The following USP37 variants were observed in gnomAD, a reference collection of about 807,000 sequenced individuals.
USP37 encodes ubiquitin carboxyl-terminal hydrolase 37.
A neutral mutation model predicts 124.0 loss-of-function variants in USP37; 27 were observed. The observed-to-expected ratio is 0.22, with a 90% confidence interval of 0.16 to 0.30. The LOEUF (loss-of-function observed/expected upper bound fraction) is 0.30. Ranked by LOEUF, USP37 falls within the 10% of genes least tolerant of loss-of-function variation. USP37 has a pLI of 1.00. For missense variants in USP37, 889 were observed against 1,140.4 expected (o/e 0.78, Z 3.17); for synonymous variants, 365 against 388.0 (o/e 0.94, Z 0.70).
In USP37 at chr2:218,474,871, G is replaced by A; in HGVS notation, c.2058C>T (p.Cys686=). 1.2e-6 allele frequency: 2 copies of A among 1,611,174 alleles called. No individual in the cohort carries two copies. The highest frequency in any genetic ancestry group is 1.7e-6 in the Non-Finnish European group (2 of 1,179,048). Residue 686 remains cysteine (C), a synonymous_variant, in exon 20 of 26, where the codon TGC becomes TGT. Transcript: ENST00000258399. ...ATTCAGACTTGTCAGGCTCTATTGGGCATAATTTTGAATCCTGAAGAAGAG... is the reference window on the plus strand; with the variant it reads ...ATTCAGACTTGTCAGGCTCTATTGGACATAATTTTGAATCCTGAAGAAGAG... The part of the protein sequence containing the change: ...QEDLEKDSKL[C]PIEPDKSELE...
At chr2:218,490,790 T>C (rs774298960) in intron 14 of USP37, among the ~76,000 whole-genome samples, 10 of 152,212 alleles carry the variant, frequency 6.6e-5, no homozygotes, top group Non-Finnish European at 1.5e-4. Context: ...AAAGGAATTT[T>C]GCAGACATAA....
At chr2:218,492,971 C>T (rs1160442952) in intron 14 of USP37, among the ~76,000 whole-genome samples, 2 of 152,024 alleles carry the variant, frequency 1.3e-5, no homozygotes, top group East Asian at 1.9e-4. Context: ...TGCACCACTG[C>T]ACTCCAGCCT....
chr2:218,478,990 T>G (rs146721689), intron 18 of USP37, among the ~76,000 whole-genome samples: 1 of 152,294 alleles, frequency 6.6e-6, no homozygotes, highest in African/African-American at 2.4e-5. Flanking sequence ...CTTTGGGCCA[T>G]CAAATTTTTA....
At chr2:218,456,913 T>C (rs1222973181) in intron 24 of USP37, among the ~76,000 whole-genome samples, 179 bp downstream of exon 24, 1 of 151,502 alleles carries the variant, frequency 6.6e-6, no homozygotes, top group Non-Finnish European at 1.5e-5. Flanking sequence ...GAGGCTGCAG[T>C]GAGCCGAGAT....
intron 5 of USP37, among the ~76,000 whole-genome samples, chr2:218,551,567 T>C (rs956199765): frequency 8.5e-5 from 13 of 152,372 alleles, no homozygotes; most frequent in African/African-American, 2.9e-4. Flanking sequence ...TACATCTATT[T>C]ATGGCCAAAG....
chr2:218,508,014 C>A (rs1010036759), intron 11 of USP37, among the ~76,000 whole-genome samples: 1 of 152,198 alleles, frequency 6.6e-6, no homozygotes, highest in African/African-American at 2.4e-5. Flanking sequence ...CCCTTAGGCT[C>A]CCTTCCCTAA....
At chr2:218,522,687 A>G (rs1189460442) in intron 10 of USP37, among the ~76,000 whole-genome samples, 1 of 151,846 alleles carries the variant, frequency 6.6e-6, no homozygotes, top group African/African-American at 2.4e-5. Flanking sequence ...GATAAATGAT[A>G]TCCTTGAGCT....
chr2:218,510,281 G>A (rs1689902325), intron 10 of USP37, 141 bp from the exon 11 acceptor site: 2 of 880,470 alleles, frequency 2.3e-6, no homozygotes, highest in Non-Finnish European at 3.3e-6. Context: ...TCACTTAAGG[G>A]AAAACTCTAC....
intron 20 of USP37, among the ~76,000 whole-genome samples, chr2:218,471,832 C>G (rs1446398950): frequency 1.3e-5 from 2 of 151,860 alleles, no homozygotes; most frequent in African/African-American, 4.8e-5. Flanking sequence ...TCGAGACCAG[C>G]CTGGCCAACA....
intron 10 of USP37, chr2:218,528,285 T>A (rs574759): frequency 0.99 from 150,838 of 151,914 alleles, 74,892 homozygotes; most frequent in East Asian, 1. Flanking sequence ...TTTTTTTTTT[T>A]AATTATATTT....
rs369107222 is a variant in USP37, at chr2:218,509,931, A to G, written c.1025+48T>C. 5 of 1,476,714 alleles carry G rather than the reference A, an allele frequency of 3.4e-6. No homozygotes were observed. In the African/African-American group the frequency reaches 5.6e-5, roughly 17 times the overall value. The allele number at this position is 1,476,714 out of a possible 1,614,324, so 91.5% of individuals were successfully genotyped here. ...ACATTTTACACCAAAGCACACTTCTATTGAATCACTTTATAAAAAAGAAAG... is the reference window on the plus strand; with the variant it reads ...ACATTTTACACCAAAGCACACTTCTGTTGAATCACTTTATAAAAAAGAAAG... On this transcript the variant is annotated intron_variant, in intron 11 of 25. Transcript: ENST00000258399.
chr2:218,514,744 C>CA (rs1026105322), intron 10 of USP37, among the ~76,000 whole-genome samples: 3 of 152,190 alleles, frequency 2.0e-5, no homozygotes, highest in African/African-American at 7.2e-5. Flanking sequence ...ATTTTGACTG[C>CA]AATTATTACT....
In USP37 at chr2:218,529,948, A is replaced by G; in HGVS notation, c.863+8T>C. On this transcript the variant is annotated splice_region_variant and intron_variant, in intron 10 of 25. Transcript: ENST00000258399. The stretch of plus-strand genomic sequence containing the variant: ...AAGTTTTTCACAAGTAATATAACCA[A>G]TGCATACCTGTCTAAGTTAGTGCCA... 6.2e-7 allele frequency: 1 copy of G among 1,600,584 alleles called. No individual in the cohort carries two copies. The highest frequency in any genetic ancestry group is 1.4e-5 in the African/African-American group (1 of 73,970).
At chr2:218,547,198 G>T in intron 6 of USP37, 107 bp from the exon 7 acceptor site, 2 of 1,198,506 alleles carry the variant, frequency 1.7e-6, no homozygotes, top group Non-Finnish European at 1.1e-6. Context: ...GGAGCCAGGT[G>T]CGATGGCTCA....
intron 17 of USP37, among the ~76,000 whole-genome samples, chr2:218,481,074 T>C (rs940059167): frequency 6.6e-6 from 1 of 152,250 alleles, no homozygotes; most frequent in African/African-American, 2.4e-5. Flanking sequence ...AATTTTATTA[T>C]TCTACCAAAC....
At chr2:218,522,858 C>T (rs997989367) in intron 10 of USP37, among the ~76,000 whole-genome samples, 1 of 152,114 alleles carries the variant, frequency 6.6e-6, no homozygotes, top group African/African-American at 2.4e-5. Flanking sequence ...AGTTTCAGGG[C>T]CGGATGCGGC....
At chr2:218,561,439 C>T (rs1245732206) in intron 2 of USP37, among the ~76,000 whole-genome samples, 1 of 152,148 alleles carries the variant, frequency 6.6e-6, no homozygotes, top group African/African-American at 2.4e-5. Flanking sequence ...GGGCAGATCA[C>T]CTGAGGTCAG....
chr2:218,458,507 G>A (rs1311789342), intron 23 of USP37, among the ~76,000 whole-genome samples: 2 of 151,644 alleles, frequency 1.3e-5, no homozygotes, highest in Non-Finnish European at 2.9e-5. Flanking sequence ...AGGAAGTGGA[G>A]GAAGTTGCAG....
chr2:218,459,120 A>C (rs1411280409), intron 23 of USP37, among the ~76,000 whole-genome samples: 1 of 151,596 alleles, frequency 6.6e-6, no homozygotes, highest in Non-Finnish European at 1.5e-5. Context: ...AATTAACATC[A>C]CCAATTCAAT....
Sources: gnomAD v4.1 joint callset for allele counts (sites outside exome capture counted in the v4.1 genomes callset) on GRCh38, gnomAD v4.1.1 for gene constraint, MANE v1.5 for transcripts, NCBI Gene and HGNC (gene_info 2026-07-23, HGNC 2026-07-21) for gene names.